Variants in CERT1 observed in about 807,000 individuals in gnomAD.
CERT1 encodes the protein ceramide transfer protein.
CERT1 carries 31 observed loss-of-function variants against 87.9 expected under a neutral mutation model. The ratio of observed to expected loss-of-function variants is 0.35; its 90% confidence interval spans 0.27 to 0.48. CERT1 has a LOEUF of 0.48. Among genes scored for constraint, CERT1 ranks in the 20% least tolerant of loss-of-function variants. The pLI, the probability that CERT1 is intolerant of heterozygous loss-of-function variation, is 0.99. For missense variants in CERT1, 487 were observed against 758.0 expected, an observed-to-expected ratio of 0.64 and a Z score of 4.20; for synonymous variants, 289 against 250.9, an observed-to-expected ratio of 1.15 and a Z score of -1.44.
intron 5 of CERT1, among the ~76,000 whole-genome samples, chr5:75,420,787 CATT>C (rs1315732603): frequency 6.6e-6 from 1 of 152,146 alleles, no homozygotes; most frequent in Non-Finnish European, 1.5e-5. Context: ...TAGTTCCCAA[CATT>C]ATTTGCTGCT....
intron 2 of CERT1, among the ~76,000 whole-genome samples, 173 bp from the exon 3 acceptor site, chr5:75,459,354 C>T (rs1765131623): frequency 1.3e-5 from 2 of 152,176 alleles, no homozygotes; most frequent in South Asian, 2.1e-4. Context: ...GGCACAGTTA[C>T]CAAAAGCCAA....
chr5:75,399,334 A>C lies in CERT1; in HGVS notation c.1164T>G (p.Asp388Glu). The C allele has an allele frequency of 1.2e-6, 2 of 1,612,916 alleles. No individual in the cohort carries two copies. The highest frequency in any genetic ancestry group is 1.7e-6 in the Non-Finnish European group (2 of 1,178,868). ...MSSIDLVSAS[D>E]DVHRFSSQVE... ...CCTGGGAGCTGAATCTGTGAACATC[A>C]TCAGAGGCACTGACTAGATCAATGG... Residue 388 changes from aspartate (D) to glutamate (E), a missense_variant, in exon 11 of 17, where the codon GAT (aspartate) becomes GAG (glutamate). By Grantham distance (45) the Asp-to-Glu change is conservative (BLOSUM62 2). Around this residue, in one of 8 missense-constraint regions of CERT1, gnomAD observed 91 missense variants for 86.7 expected, o/e 1.05. Coordinates refer to ENST00000643780, the MANE Select transcript of CERT1 (RefSeq NM_001379029.1).
At chr5:75,505,729 A>T in intron 2 of CERT1, 1 of 253,006 alleles carries the variant, frequency 4.0e-6, no homozygotes, top group Non-Finnish European at 7.4e-6. Flanking sequence ...GGCTTCAAAC[A>T]TTTTTTTTTC....
intron 3 of CERT1, among the ~76,000 whole-genome samples, chr5:75,451,680 A>G (rs1764775423): frequency 6.6e-6 from 1 of 152,224 alleles, no homozygotes. Context: ...AAATGGCACA[A>G]ACCAACAGTA....
At chr5:75,399,986 G>A (rs1762404493) in intron 10 of CERT1, among the ~76,000 whole-genome samples, 1 of 152,132 alleles carries the variant, frequency 6.6e-6, no homozygotes, top group East Asian at 1.9e-4. Context: ...ACAAAAATTA[G>A]CTGGGTGTGG....
chr5:75,436,571 A>G (rs1764104952), intron 3 of CERT1, among the ~76,000 whole-genome samples: 2 of 152,312 alleles, frequency 1.3e-5, no homozygotes, highest in South Asian at 4.1e-4. Flanking sequence ...GCAATTAAAA[A>G]TAAGAATCTC....
intron 2 of CERT1, among the ~76,000 whole-genome samples, chr5:75,473,589 G>T (rs931302074): frequency 2.0e-5 from 3 of 152,158 alleles, no homozygotes; most frequent in Non-Finnish European, 4.4e-5. Flanking sequence ...AGGTGAGGAG[G>T]GTTAGGGAGA....
chr5:75,408,613 G>C lies in CERT1; in HGVS notation c.930+2398C>G, dbSNP rs1002538919. On this transcript the variant is annotated intron_variant, in intron 8 of 16. Transcript: ENST00000643780. ...CACAGACATAAAGATGGAAATGTAG[G>C]GACTCTAAAAGGAGGAAGGTTGGGA... Among the ~76,000 whole-genome samples the C allele has an allele frequency of 2.0e-5, 3 of 152,054 alleles. No individual in the cohort carries two copies. The East Asian group carries it at 5.8e-4, about 29-fold the overall frequency.
chr5:75,401,122 C>T (rs1180807310), intron 9 of CERT1: 1 of 152,152 alleles, frequency 6.6e-6, no homozygotes, highest in Non-Finnish European at 1.5e-5. Context: ...TAGAGTATTA[C>T]CACACTGTAT....
chr5:75,459,158 T>C lies in CERT1; in HGVS notation c.255A>G (p.Arg85=). 6.2e-7 allele frequency: 1 copy of C among 1,610,082 alleles called. No homozygotes were observed. Among genetic ancestry groups the C allele is most frequent in the Non-Finnish European group, 8.5e-7 (1 of 1,176,472 alleles). Reference sequence around the variant, plus strand: ...CACTATCATTTACACTAATATCAAATCGACATTCATCAAAATCGTGAGGCT... The same window carrying C: ...CACTATCATTTACACTAATATCAAACCGACATTCATCAAAATCGTGAGGCT... ...VITPHDFDEC[R]FDISVNDSVW... Residue 85 remains arginine (R), a synonymous_variant, in exon 3 of 17, where the codon CGA becomes CGG. Coordinates refer to ENST00000643780, the MANE Select transcript of CERT1 (RefSeq NM_001379029.1).
chr5:75,385,927 A>G lies in CERT1; in HGVS notation c.1392T>C (p.Asn464=). The change falls in exon 13 of 17, where the codon AAT becomes AAC. Residue 464 remains asparagine, a synonymous_variant. Transcript: ENST00000643780. The part of the protein sequence containing the change: ...TGHEVCNYFW[N]VDVRNDWETT... ...TTTCCCAGTCATTGCGAACGTCAAC[A>G]TTCCAGAAATAATTGCAGACTTCAT... 6.4e-7 allele frequency: 1 copy of G among 1,561,942 alleles called. No individual in the cohort carries two copies. The highest frequency in any genetic ancestry group is 8.7e-7 in the Non-Finnish European group (1 of 1,155,900).
downstream of CERT1, chr5:75,373,748 G>A (rs546861922): frequency 4.6e-6 from 1 of 217,168 alleles, no homozygotes; most frequent in East Asian, 9.4e-5. Context: ...CAGATATTTG[G>A]TGCACAGAAA....
intron 3 of CERT1, among the ~76,000 whole-genome samples, chr5:75,443,456 T>A (rs534721641): frequency 6.6e-6 from 1 of 152,242 alleles, no homozygotes; most frequent in Non-Finnish European, 1.5e-5. Flanking sequence ...CCACTAGTTG[T>A]TTAACTTCCA....
intron 7 of CERT1, 34 bp from the exon 8 acceptor site, chr5:75,411,137 G>A (rs755032273): frequency 4.1e-6 from 5 of 1,220,118 alleles, no homozygotes; most frequent in Non-Finnish European, 5.8e-6. Context: ...TGTAATTTGA[G>A]GCAGGCATTT....
intron 11 of CERT1, among the ~76,000 whole-genome samples, chr5:75,392,902 G>A (rs1011423781): frequency 4.1e-5 from 6 of 147,246 alleles, no homozygotes; most frequent in South Asian, 4.4e-4. Context: ...CCTGCGAGGC[G>A]GAGGTGGCAG....
At chr5:75,456,362 A>T (rs1259970103) in intron 3 of CERT1, among the ~76,000 whole-genome samples, 11 of 152,080 alleles carry the variant, frequency 7.2e-5, no homozygotes, top group Non-Finnish European at 2.9e-5. Context: ...CTACAAATAA[A>T]CTATCTTTAA....
intron 12 of CERT1, among the ~76,000 whole-genome samples, chr5:75,386,932 G>A (rs548920892): frequency 1.0e-3 from 154 of 152,162 alleles, no homozygotes; most frequent in Middle Eastern, 3.4e-3. Flanking sequence ...CAATGGCGCC[G>A]TCTCGGCTCA....
intron 2 of CERT1, among the ~76,000 whole-genome samples, chr5:75,477,353 A>G (rs1361319141): frequency 6.6e-6 from 1 of 152,150 alleles, no homozygotes; most frequent in Non-Finnish European, 1.5e-5. Flanking sequence ...GAAAGTCTGT[A>G]TGTAACACAG....
rs1320719243 is a variant in CERT1 at position 75,411,154 on chromosome 5, C to T, written c.838-51G>A. The T allele has an allele frequency of 4.9e-6, 5 of 1,020,958 alleles. No individual in the cohort carries two copies. In the South Asian group the frequency reaches 7.4e-5, roughly 15 times the overall value. 63.2% of individuals were successfully genotyped at this position (1,020,958 alleles called of 1,614,324 possible). ...TAATTTGAGGCAGGCATTTTAATTA[C>T]AATGAAGTCTTTTAGGTGGAATTCC... On this transcript the variant is annotated intron_variant, in intron 7 of 16. Transcript: ENST00000643780.
Sources: allele counts gnomAD v4.1 joint callset (sites outside exome capture counted in the v4.1 genomes callset), GRCh38; gene constraint gnomAD v4.1.1; regional missense constraint gnomAD v4.1.1; transcripts MANE v1.5; gene names NCBI Gene and HGNC (gene_info 2026-07-23, HGNC 2026-07-21).